The following CCDC85C variants were observed in gnomAD, a reference collection of about 807,000 sequenced individuals.
CCDC85C encodes coiled-coil domain-containing protein 85C.
In CCDC85C, 18 loss-of-function variants were observed where a neutral mutation model predicts 38.3. That is an observed-to-expected ratio of 0.47 (90% CI 0.33 to 0.70). The LOEUF (loss-of-function observed/expected upper bound fraction) is 0.70, where lower values mean the gene tolerates loss of function less well. CCDC85C is among the 30% of genes least tolerant of loss of function. The probability of loss-of-function intolerance (pLI) is 0.03; values close to 1 mark genes in which losing one functional copy is unlikely to be tolerated. For synonymous variants in CCDC85C, 264 were observed against 293.8 expected, an observed-to-expected ratio of 0.90 and a Z score of 1.04; for missense variants, 566 against 621.2, an observed-to-expected ratio of 0.91 and a Z score of 0.94.
intron 1 of CCDC85C, among the ~76,000 whole-genome samples, chr14:99,555,080 T>G (rs1897984517): frequency 6.6e-6 from 1 of 152,230 alleles, no homozygotes; most frequent in East Asian, 1.9e-4. Flanking sequence ...TGGTTACTGA[T>G]GAGAACAAAC....
At position 99,514,287 on chromosome 14, in the gene CCDC85C, C is replaced by CA. The variant is rs1327833766; in HGVS notation, c.*958dup. 2 of 152,498 alleles carry CA rather than the reference C, an allele frequency of 1.3e-5. No individual in the cohort carries two copies. Among genetic ancestry groups the CA allele is most frequent in the Admixed American group, 6.5e-5 (1 of 15,294 alleles). 9.4% of individuals were successfully genotyped at this position (152,498 alleles called of 1,614,324 possible). A position where few individuals can be genotyped will look rare whatever the true frequency, so the allele number is the denominator to read the frequency against. ...GAACCTGGCCAGACACGCTCCTTCC[C>CA]AAAAAGAACAGAACTCTCATCTGCA... is the stretch of plus-strand genomic sequence containing the variant. On this transcript the variant is annotated 3_prime_UTR_variant, in exon 6 of 6. Coordinates refer to ENST00000380243, the MANE Select transcript of CCDC85C (RefSeq NM_001144995.2).
At position 99,522,348 on chromosome 14, in the gene CCDC85C, C is replaced by T. The variant is rs574327568; in HGVS notation, c.868-108G>A. 97 of 749,084 alleles carry T rather than the reference C, an allele frequency of 1.3e-4. 2 individuals are homozygous for T. In the South Asian group the frequency reaches 1.4e-3, roughly 11 times the overall value. The allele number at this position is 749,084 out of a possible 1,614,324, so 46.4% of individuals were successfully genotyped here. A position where few individuals can be genotyped will look rare whatever the true frequency, so the allele number is the denominator to read the frequency against. ...CAGGGGCTGCTCAAAGGCACGGCCC[C>T]GGAGGACCCCTCCACCCTCCCCTCC... On this transcript the variant is annotated intron_variant, in intron 2 of 5. Coordinates refer to ENST00000380243, the MANE Select transcript of CCDC85C (RefSeq NM_001144995.2).
At chr14:99,561,985 G>C (rs973354395) in intron 1 of CCDC85C, among the ~76,000 whole-genome samples, 2 of 152,138 alleles carry the variant, frequency 1.3e-5, no homozygotes, top group Non-Finnish European at 2.9e-5. Flanking sequence ...GGCTCCCCAC[G>C]CGAGGACCTC....
At chr14:99,522,446 C>A in intron 2 of CCDC85C, 1 of 511,412 alleles carries the variant, frequency 2.0e-6, no homozygotes, top group Non-Finnish European at 3.5e-6. Flanking sequence ...CAGCGATCCA[C>A]TCTCCAACGT....
chr14:99,544,176 C>T lies in CCDC85C; in HGVS notation c.794-8088G>A, dbSNP rs1310689521. ...CATCGACAAGGCGCCTGAGACTCAG[C>T]GATGTTAGGCAGCAAGGCCAAGGTC... is the stretch of plus-strand genomic sequence containing the variant. On this transcript the variant is annotated intron_variant, in intron 1 of 5. Transcript: ENST00000380243. This position sits in a 1 kb window ranked among gnomAD's most constrained non-coding sequence, Gnocchi z 5.3. Among the ~76,000 whole-genome samples, 1 of 152,152 alleles carries T rather than the reference C, an allele frequency of 6.6e-6. No individual in the cohort carries two copies. Among genetic ancestry groups the T allele is most frequent in the Non-Finnish European group, 1.5e-5 (1 of 68,038 alleles).
chr14:99,579,657 G>A (rs533286074), intron 1 of CCDC85C, among the ~76,000 whole-genome samples: 101 of 152,346 alleles, frequency 6.6e-4, no homozygotes, highest in African/African-American at 2.4e-3. Context: ...GACTGGATTC[G>A]GGATTGAGGT....
In CCDC85C at chr14:99,545,127, G is replaced by A. The variant is rs1293882780; in HGVS notation, c.794-9039C>T. On this transcript the variant is annotated intron_variant, in intron 1 of 5. Coordinates refer to ENST00000380243, the MANE Select transcript of CCDC85C (RefSeq NM_001144995.2). The surrounding 1 kb of genome is among the most constrained non-coding windows in gnomAD (Gnocchi z 4.7). ...GGCCGGTCAGCCTTCCCCAGTGAGTGCACGCCTGTCCTCTCAGTGTCATCT... is the reference window on the plus strand; with the variant it reads ...GGCCGGTCAGCCTTCCCCAGTGAGTACACGCCTGTCCTCTCAGTGTCATCT... Among the ~76,000 whole-genome samples, 1 of 152,172 alleles carries A rather than the reference G, an allele frequency of 6.6e-6. No homozygotes were observed. Among genetic ancestry groups the A allele is most frequent in the Non-Finnish European group, 1.5e-5 (1 of 68,024 alleles).
At chr14:99,552,698 G>A (rs1206215844) in intron 1 of CCDC85C, among the ~76,000 whole-genome samples, 1 of 152,206 alleles carries the variant, frequency 6.6e-6, no homozygotes, top group Non-Finnish European at 1.5e-5. Context: ...ACCACTTCAC[G>A]TGCTCAGCTG....
At chr14:99,530,741 G>A (rs553777808) in intron 2 of CCDC85C, among the ~76,000 whole-genome samples, 5 of 152,220 alleles carry the variant, frequency 3.3e-5, no homozygotes, top group African/African-American at 9.6e-5. Flanking sequence ...ATCACACTGC[G>A]CTGGGCATCA....
In CCDC85C at chr14:99,510,470, C is replaced by G; in HGVS notation, c.*4776G>C. 4 of 1,432,124 alleles carry G rather than the reference C, an allele frequency of 2.8e-6. No individual in the cohort carries two copies. Among genetic ancestry groups the G allele is most frequent in the Non-Finnish European group, 3.7e-6 (4 of 1,068,310 alleles). The allele number at this position is 1,432,124 out of a possible 1,614,324, so 88.7% of individuals were successfully genotyped here. On this transcript the variant is annotated 3_prime_UTR_variant, in exon 6 of 6. Coordinates refer to ENST00000380243, the MANE Select transcript of CCDC85C (RefSeq NM_001144995.2). ...CACACCTGCCCTACCACCCCCATGT[C>G]TACCCGCCCAACCCGCCCCCGCCAC...
intron 1 of CCDC85C, among the ~76,000 whole-genome samples, chr14:99,563,613 G>A (rs1898159743): frequency 6.6e-6 from 1 of 152,252 alleles, no homozygotes; most frequent in Non-Finnish European, 1.5e-5. Flanking sequence ...ATGGGAGGGT[G>A]AGAGAGCAGG....
chr14:99,552,423 A>G (rs1184749286), intron 1 of CCDC85C, among the ~76,000 whole-genome samples: 1 of 152,202 alleles, frequency 6.6e-6, no homozygotes, highest in Non-Finnish European at 1.5e-5. Context: ...TGCTTCAGAG[A>G]GAGCCTGGGC....
intron 1 of CCDC85C, among the ~76,000 whole-genome samples, chr14:99,551,658 G>T (rs957660723): frequency 6.7e-6 from 1 of 148,626 alleles, no homozygotes; most frequent in Non-Finnish European, 1.5e-5. Context: ...TGTGCAGGTG[G>T]GTGAGAGGTG....
intron 1 of CCDC85C, among the ~76,000 whole-genome samples, chr14:99,554,702 T>C (rs558137435): frequency 3.3e-4 from 51 of 152,314 alleles, no homozygotes; most frequent in African/African-American, 1.2e-3. Context: ...GATCAACACC[T>C]AACTGGGCTC....
chr14:99,519,279 CTT>C (rs60431041), intron 3 of CCDC85C, among the ~76,000 whole-genome samples: 12 of 122,832 alleles, frequency 9.8e-5, no homozygotes, highest in South Asian at 2.7e-4. Flanking sequence ...CCATGCCCAG[CTT>C]TTTTTTTTTT....
At chr14:99,559,507 C>T (rs1446068682) in intron 1 of CCDC85C, among the ~76,000 whole-genome samples, 2 of 152,104 alleles carry the variant, frequency 1.3e-5, no homozygotes, top group Admixed American at 1.3e-4. Flanking sequence ...CCACATTTGC[C>T]ATCCTGTGCA....
rs1898483643 is a variant in CCDC85C at position 99,576,664 on chromosome 14, T to C, written c.793+26503A>G. ...TGCCCCAACCCCCAAGCCTTGCCCT[T>C]TCCCACCAAACTTGGTAGGATCCGG... On this transcript the variant is annotated intron_variant, in intron 1 of 5. Transcript: ENST00000380243. This position sits in a 1 kb window ranked among gnomAD's most constrained non-coding sequence, Gnocchi z 4.8. The C allele has an allele frequency of 6.6e-6, 1 of 152,218 alleles. No individual in the cohort carries two copies. Among genetic ancestry groups the C allele is most frequent in the African/African-American group, 2.4e-5 (1 of 41,440 alleles). The allele number at this position is 152,218 out of a possible 1,614,324, so 9.4% of individuals were successfully genotyped here. A position where few individuals can be genotyped will look rare whatever the true frequency, so the allele number is the denominator to read the frequency against.
chr14:99,516,659 C>T lies in CCDC85C; in HGVS notation c.1072-373G>A, dbSNP rs79407461. Reference sequence around the variant, plus strand: ...CATGCATGTGGGATGTCATGGGGCACGTACGTAGGAGGAAGGGGGGCATGG... The same window carrying T: ...CATGCATGTGGGATGTCATGGGGCATGTACGTAGGAGGAAGGGGGGCATGG... On this transcript the variant is annotated intron_variant, in intron 4 of 5. Coordinates refer to ENST00000380243, the MANE Select transcript of CCDC85C (RefSeq NM_001144995.2). The surrounding 1 kb of genome is among the most constrained non-coding windows in gnomAD (Gnocchi z 5.5). 5.6e-3 allele frequency among the ~76,000 whole-genome samples: 844 copies of T among 152,028 alleles called. 4 individuals are homozygous for T. Among genetic ancestry groups the T allele is most frequent in the African/African-American group, 0.019 (803 of 41,460 alleles).
intron 1 of CCDC85C, among the ~76,000 whole-genome samples, chr14:99,587,780 CG>C (rs2055043170): frequency 1.3e-5 from 2 of 152,154 alleles, no homozygotes; most frequent in Admixed American, 6.5e-5. Flanking sequence ...CCTTACTGCA[CG>C]GGGGCTGACT....
Sources: allele counts gnomAD v4.1 joint callset (sites outside exome capture counted in the v4.1 genomes callset), GRCh38; gene constraint gnomAD v4.1.1; non-coding constraint Gnocchi (gnomAD v3.1); transcripts MANE v1.5; gene names NCBI Gene and HGNC (gene_info 2026-07-23, HGNC 2026-07-21).